The following UTRN variants were observed in gnomAD, a reference collection of about 807,000 sequenced individuals.
The protein encoded by UTRN is dystrophin-related protein 1.
A neutral mutation model predicts 463.9 loss-of-function variants in UTRN; 283 were observed. The ratio of observed to expected loss-of-function variants is 0.61; its 90% CI spans 0.55 to 0.67. The LOEUF is 0.67. UTRN is among the 30% of genes least tolerant of loss of function. The probability of loss-of-function intolerance (pLI) is 0.00; values close to 1 mark genes in which losing one functional copy is unlikely to be tolerated. For missense variants in UTRN, 3,922 were observed against 4,084.3 expected, an observed-to-expected ratio of 0.96 and a Z score of 1.08; for synonymous variants, 1,442 against 1,431.5, an observed-to-expected ratio of 1.01 and a Z score of -0.17.
At chr6:144,848,346 C>G (rs890895163) in intron 74 of UTRN, among the ~76,000 whole-genome samples, 4 of 152,112 alleles carry the variant, frequency 2.6e-5, no homozygotes, top group African/African-American at 4.8e-5. Context: ...GCACAGGCAC[C>G]AGAATGGGCT....
chr6:144,436,198 G>A, intron 10 of UTRN, 60 bp downstream of exon 10: 1 of 1,497,464 alleles, frequency 6.7e-7, no homozygotes, highest in Non-Finnish European at 9.1e-7. Context: ...CCTTAATCAG[G>A]GACTCTACTC....
chr6:144,525,879 C>T (rs878964607), intron 41 of UTRN, among the ~76,000 whole-genome samples: 7 of 151,938 alleles, frequency 4.6e-5, no homozygotes, highest in Non-Finnish European at 8.8e-5. Flanking sequence ...TGATAGGTTG[C>T]GTCACTATTA....
At chr6:144,302,863 G>T (rs996361984) in intron 2 of UTRN, among the ~76,000 whole-genome samples, 1 of 152,180 alleles carries the variant, frequency 6.6e-6, no homozygotes, top group Non-Finnish European at 1.5e-5. Flanking sequence ...CATTGCAGAT[G>T]ATGAGAAAAG....
intron 65 of UTRN, among the ~76,000 whole-genome samples, chr6:144,806,897 ATTTC>A (rs768309665): frequency 6.6e-6 from 1 of 152,090 alleles, no homozygotes; most frequent in Non-Finnish European, 1.5e-5. Flanking sequence ...GCTTTCTGAA[ATTTC>A]TTTCTGTTCA....
intron 51 of UTRN, among the ~76,000 whole-genome samples, chr6:144,646,428 T>G (rs9390184): frequency 0.16 from 23,876 of 152,158 alleles, 2,459 homozygotes; most frequent in East Asian, 0.52. Context: ...CTGTCTACTA[T>G]TTGAACAGAC....
At position 144,391,727 on chromosome 6, in the gene UTRN, C is replaced by T. The variant is rs184170414; in HGVS notation, c.80-11396C>T. 6.0e-3 allele frequency among the ~76,000 whole-genome samples: 910 copies of T among 152,280 alleles called. 9 individuals are homozygous for T. Among genetic ancestry groups the T allele is most frequent in the African/African-American group, 0.021 (860 of 41,554 alleles). ...TGCAATCTCGGCTCACTGCAAGCTC[C>T]GCCTCCGGGGTTCACACCATTCTTC... On this transcript the variant is annotated intron_variant, in intron 2 of 74. Transcript: ENST00000367545.
At chr6:144,422,043 C>A in intron 4 of UTRN, 73 bp downstream of exon 4, 2 of 1,260,462 alleles carry the variant, frequency 1.6e-6, no homozygotes, top group Non-Finnish European at 2.2e-6. Context: ...TGTGGGTACC[C>A]ATTAAAGTGA....
chr6:144,556,810 G>C (rs990227290), intron 49 of UTRN, among the ~76,000 whole-genome samples: 2 of 152,170 alleles, frequency 1.3e-5, no homozygotes, highest in Non-Finnish European at 2.9e-5. Context: ...AACTGTCTCT[G>C]TATTCAGTCC....
At chr6:144,843,270 A>G (rs1185885983) in intron 73 of UTRN, among the ~76,000 whole-genome samples, 2 of 152,044 alleles carry the variant, frequency 1.3e-5, no homozygotes, top group Non-Finnish European at 2.9e-5. Flanking sequence ...ATGTGTTTCA[A>G]TATACACCTT....
At chr6:144,632,454 C>CT (rs1204277276) in intron 51 of UTRN, among the ~76,000 whole-genome samples, 1 of 151,652 alleles carries the variant, frequency 6.6e-6, no homozygotes, top group Non-Finnish European at 1.5e-5. Flanking sequence ...TTTTTTTCTA[C>CT]TTTTTTTTCC....
chr6:144,305,372 A>T (rs1029700327), intron 2 of UTRN, among the ~76,000 whole-genome samples: 1 of 152,250 alleles, frequency 6.6e-6, no homozygotes, highest in Non-Finnish European at 1.5e-5. Flanking sequence ...TGGAAATTAT[A>T]AACACTAGAT....
intron 3 of UTRN, among the ~76,000 whole-genome samples, chr6:144,419,971 C>T: frequency 1.9e-5 from 1 of 53,186 alleles, no homozygotes; most frequent in Non-Finnish European, 4.2e-5. Context: ...CACACAGACA[C>T]AGACACACAC....
intron 2 of UTRN, among the ~76,000 whole-genome samples, chr6:144,361,465 G>C (rs781552663): frequency 6.6e-6 from 1 of 152,136 alleles, no homozygotes; most frequent in South Asian, 2.1e-4. Context: ...AAACCATCCA[G>C]GAGTCTTCCA....
intron 60 of UTRN, 105 bp downstream of exon 60, chr6:144,774,469 T>C: frequency 1.0e-6 from 1 of 977,060 alleles, no homozygotes; most frequent in Non-Finnish European, 1.5e-6. Context: ...CAAGTTAATC[T>C]GGTCTTCAGT....
chr6:144,555,062 A>T (rs1562567293), intron 49 of UTRN, among the ~76,000 whole-genome samples, 169 bp downstream of exon 49: 1 of 152,072 alleles, frequency 6.6e-6, no homozygotes, highest in Non-Finnish European at 1.5e-5. Context: ...TTTTTCGAAA[A>T]ATTTCTGGAG....
At chr6:144,518,404 T>C (rs1442143322) in intron 39 of UTRN, among the ~76,000 whole-genome samples, 4 of 152,246 alleles carry the variant, frequency 2.6e-5, no homozygotes, top group Admixed American at 2.6e-4. Context: ...TGATGTGCTG[T>C]CACTTCCCAT....
At chr6:144,431,169 CT>C (rs771021209) in intron 9 of UTRN, among the ~76,000 whole-genome samples, 1 of 152,058 alleles carries the variant, frequency 6.6e-6, no homozygotes, top group African/African-American at 2.4e-5. Context: ...GATTCATTTC[CT>C]TATTGCATTT....
intron 58 of UTRN, among the ~76,000 whole-genome samples, chr6:144,767,807 AT>A (rs1793524949): frequency 6.6e-6 from 1 of 152,082 alleles, no homozygotes; most frequent in African/African-American, 2.4e-5. Context: ...TTGTCCCCAC[AT>A]TTGTATTTTT....
At chr6:144,826,541 A>G (rs1037713716) in intron 66 of UTRN, among the ~76,000 whole-genome samples, 2 of 152,132 alleles carry the variant, frequency 1.3e-5, no homozygotes, top group Non-Finnish European at 2.9e-5. Context: ...GTTGTTTTCA[A>G]AAGTATTTCA....
Sources: allele counts gnomAD v4.1 joint callset (sites outside exome capture counted in the v4.1 genomes callset), GRCh38; gene constraint gnomAD v4.1.1; transcripts MANE v1.5; gene names NCBI Gene and HGNC (gene_info 2026-07-23, HGNC 2026-07-21).